COL5A2: variants seen among roughly 807,000 people sequenced by gnomAD.
COL5A2 encodes the protein collagen type V alpha 2 chain.
A neutral mutation model predicts 208.2 loss-of-function variants in COL5A2; 23 were observed. That is an observed-to-expected ratio of 0.11 (90% confidence interval 0.08 to 0.16). The LOEUF is 0.16. COL5A2 is among the 10% of genes least tolerant of loss of function. COL5A2 has a pLI of 1.00. For synonymous variants in COL5A2, 625 were observed against 628.5 expected (o/e 0.99, Z 0.08); for missense variants, 1,590 against 1,956.4 (o/e 0.81, Z 3.53).
At chr2:189,173,816 C>T (rs555223014) in intron 1 of COL5A2, among the ~76,000 whole-genome samples, 1 of 152,104 alleles carries the variant, frequency 6.6e-6, no homozygotes, top group African/African-American at 2.4e-5. Context: ...TTATATAATT[C>T]CAAGATTTGT....
intron 35 of COL5A2, among the ~76,000 whole-genome samples, chr2:189,055,830 G>A (rs1368406064): frequency 2.0e-5 from 3 of 152,148 alleles, no homozygotes; most frequent in Admixed American, 6.5e-5. Context: ...CAATTGATAT[G>A]TATTTTAGAT....
chr2:189,336,082 A>C, the COL5A2 span, among the ~76,000 whole-genome samples: 1 of 152,210 alleles, frequency 6.6e-6, no homozygotes, highest in Admixed American at 6.5e-5. Flanking sequence ...TGGGTAGAAG[A>C]ATTGAAGAGA....
At chr2:189,089,433 T>TTCTAG (rs1447735691) in intron 7 of COL5A2, among the ~76,000 whole-genome samples, 3 of 152,338 alleles carry the variant, frequency 2.0e-5, no homozygotes, top group African/African-American at 7.2e-5. Flanking sequence ...TAGGAAAGAA[T>TTCTAG]GTGTGTACTG....
intron 1 of COL5A2, among the ~76,000 whole-genome samples, chr2:189,177,280 G>A (rs956725125): frequency 2.6e-5 from 4 of 151,954 alleles, no homozygotes; most frequent in Non-Finnish European, 4.4e-5. Flanking sequence ...TTAAAGCATC[G>A]ATCTAAGCTT....
At chr2:189,305,506 T>C in the COL5A2 span, among the ~76,000 whole-genome samples, 3 of 152,324 alleles carry the variant, frequency 2.0e-5, no homozygotes, top group South Asian at 6.2e-4. Context: ...TTGGAAGCAT[T>C]GAGTAAACCC....
At chr2:189,263,391 T>C in the COL5A2 span, among the ~76,000 whole-genome samples, 2 of 152,258 alleles carry the variant, frequency 1.3e-5, no homozygotes, top group South Asian at 4.1e-4. Flanking sequence ...CATAATACTT[T>C]AGTCGACAGT....
intron 2 of COL5A2, among the ~76,000 whole-genome samples, chr2:189,109,419 T>G (rs1283143942): frequency 1.3e-5 from 2 of 152,108 alleles, no homozygotes; most frequent in Non-Finnish European, 2.9e-5. Flanking sequence ...TACATACTGT[T>G]GAAACCTTTA....
chr2:189,173,971 G>A (rs766678295), intron 1 of COL5A2, among the ~76,000 whole-genome samples: 2 of 152,106 alleles, frequency 1.3e-5, no homozygotes, highest in African/African-American at 2.4e-5. Context: ...AAGAAAATCC[G>A]ATTAAAGATC....
the COL5A2 span, among the ~76,000 whole-genome samples, chr2:189,369,595 T>A: frequency 6.6e-6 from 1 of 152,108 alleles, no homozygotes; most frequent in Non-Finnish European, 1.5e-5. Context: ...TTAACTTTTG[T>A]GTGTATTACC....
the COL5A2 span, among the ~76,000 whole-genome samples, chr2:189,304,465 G>T: frequency 6.6e-6 from 1 of 152,294 alleles, no homozygotes; most frequent in African/African-American, 2.4e-5. Context: ...GAAGCATATT[G>T]CCCGCATTTG....
At chr2:189,322,916 A>G in the COL5A2 span, among the ~76,000 whole-genome samples, 4 of 152,208 alleles carry the variant, frequency 2.6e-5, no homozygotes, top group African/African-American at 9.7e-5. Flanking sequence ...ATCGATGCAA[A>G]AATCCTCAAT....
chr2:189,400,356 C>A, the COL5A2 span, among the ~76,000 whole-genome samples: 1 of 152,170 alleles, frequency 6.6e-6, no homozygotes, highest in East Asian at 1.9e-4. Flanking sequence ...TTCTTTTCTA[C>A]ATGTTTCTTT....
At chr2:189,250,979 C>T in the COL5A2 span, among the ~76,000 whole-genome samples, 1 of 152,016 alleles carries the variant, frequency 6.6e-6, no homozygotes, top group Non-Finnish European at 1.5e-5. Context: ...GAGAACAGAA[C>T]CTGGAGCCAG....
At chr2:189,344,923 CA>C in the COL5A2 span, among the ~76,000 whole-genome samples, 1 of 152,172 alleles carries the variant, frequency 6.6e-6, no homozygotes, top group Non-Finnish European at 1.5e-5. Context: ...GTCAAGGAAC[CA>C]AAATGTGTTA....
intron 1 of COL5A2, among the ~76,000 whole-genome samples, chr2:189,224,364 TA>T (rs1334646494): frequency 6.6e-6 from 1 of 152,000 alleles, no homozygotes; most frequent in Non-Finnish European, 1.5e-5. Context: ...CAGGATATAA[TA>T]AAATATGAAA....
At chr2:189,266,809 T>G in the COL5A2 span, among the ~76,000 whole-genome samples, 2 of 152,086 alleles carry the variant, frequency 1.3e-5, no homozygotes, top group Non-Finnish European at 2.9e-5. Context: ...AAAGATATGT[T>G]AAAATACTGC....
At chr2:189,181,826 C>T (rs1203810306), upstream of COL5A2, among the ~76,000 whole-genome samples, 2 of 152,170 alleles carry the variant, frequency 1.3e-5, no homozygotes, top group East Asian at 3.8e-4. Flanking sequence ...TAACTATAAA[C>T]ATGGCTTATA....
At chr2:189,053,226 A>C (rs1685829631) in intron 38 of COL5A2, among the ~76,000 whole-genome samples, 198 bp downstream of exon 38, 1 of 152,228 alleles carries the variant, frequency 6.6e-6, no homozygotes, top group Non-Finnish European at 1.5e-5. Flanking sequence ...TTTTTATTTT[A>C]ACAAATAATT....
chr2:189,395,756 A>T, the COL5A2 span, among the ~76,000 whole-genome samples: 8 of 151,834 alleles, frequency 5.3e-5, no homozygotes, highest in Non-Finnish European at 7.4e-5. Context: ...ATACAAAAAA[A>T]AATTAGCCAG....
Sources: allele counts gnomAD v4.1 joint callset (sites outside exome capture counted in the v4.1 genomes callset), GRCh38; gene constraint gnomAD v4.1.1; transcripts MANE v1.5; gene names NCBI Gene and HGNC (gene_info 2026-07-23, HGNC 2026-07-21).